RASGRF2: variants seen among roughly 807,000 people sequenced by gnomAD.
The protein encoded by RASGRF2 is Ras protein specific guanine nucleotide releasing factor 2, also known as ras-specific guanine nucleotide-releasing factor 2.
In RASGRF2, 76 loss-of-function variants were observed where a neutral mutation model predicts 151.0. That is an observed-to-expected ratio of 0.50 (90% CI 0.42 to 0.61). The LOEUF is 0.61. Ranked by LOEUF, RASGRF2 falls within the 20% of genes least tolerant of loss-of-function variation. The pLI is 0.00. For synonymous variants in RASGRF2, 504 were observed against 566.5 expected (o/e 0.89, Z 1.57); for missense variants, 1,148 against 1,564.6 (o/e 0.73, Z 4.49).
chr5:81,134,562 G>A (rs1321154771), intron 17 of RASGRF2, among the ~76,000 whole-genome samples: 1 of 152,144 alleles, frequency 6.6e-6, no homozygotes, highest in African/African-American at 2.4e-5. Context: ...TACTGAATCA[G>A]CATTTCTGAG....
At chr5:81,007,151 T>C (rs1269883290) in intron 1 of RASGRF2, among the ~76,000 whole-genome samples, 1 of 152,196 alleles carries the variant, frequency 6.6e-6, no homozygotes. Flanking sequence ...ACCTTCCTTT[T>C]GTTAGATGTG....
At chr5:81,105,178 T>A (rs1752811245) in intron 12 of RASGRF2, among the ~76,000 whole-genome samples, 2 of 152,184 alleles carry the variant, frequency 1.3e-5, no homozygotes, top group Admixed American at 6.5e-5. Context: ...CAGGTAGCTC[T>A]GCCCTTCCAT....
intron 13 of RASGRF2, among the ~76,000 whole-genome samples, chr5:81,109,502 T>G (rs946149443): frequency 1.3e-5 from 2 of 152,040 alleles, no homozygotes; most frequent in Admixed American, 1.3e-4. Flanking sequence ...CCATCTCTAC[T>G]AAAAATACAA....
chr5:81,142,390 G>C (rs181238954), intron 17 of RASGRF2, among the ~76,000 whole-genome samples: 76 of 152,272 alleles, frequency 5.0e-4, no homozygotes, highest in African/African-American at 1.8e-3. Context: ...AAAGAACTAT[G>C]CTCACTTTCT....
chr5:81,035,059 C>T (rs1750433122), intron 1 of RASGRF2, among the ~76,000 whole-genome samples: 1 of 152,074 alleles, frequency 6.6e-6, no homozygotes, highest in South Asian at 2.1e-4. Flanking sequence ...TGTGGTGATT[C>T]CTCAAGGATC....
chr5:81,216,162 G>C (rs1211399620), intron 24 of RASGRF2, among the ~76,000 whole-genome samples: 1 of 152,080 alleles, frequency 6.6e-6, no homozygotes, highest in Non-Finnish European at 1.5e-5. Context: ...TATACTCATG[G>C]CATGCAGATT....
chr5:81,042,805 C>A, intron 1 of RASGRF2, 72 bp from the exon 2 acceptor site: 2 of 1,036,004 alleles, frequency 1.9e-6, no homozygotes, highest in Non-Finnish European at 1.5e-6. Flanking sequence ...CCTTTGTAGG[C>A]AGATACTGTG....
Position 81,079,035 on chromosome 5 carries a change from G to A in RASGRF2, c.888-1086G>A, listed in dbSNP as rs566711960. Reference sequence around the variant, plus strand: ...GACATTGCCCCAAAGCACTCACATCGCCATGACTGACTTTCAGCCATAGGA... The same window carrying A: ...GACATTGCCCCAAAGCACTCACATCACCATGACTGACTTTCAGCCATAGGA... On this transcript the variant is annotated intron_variant, in intron 5 of 26. Transcript: ENST00000265080. Among the ~76,000 whole-genome samples the A allele has an allele frequency of 3.3e-5, 5 of 152,252 alleles. No homozygotes were observed. In the East Asian group the frequency reaches 5.8e-4, roughly 18 times the overall value.
At chr5:81,144,679 A>G (rs1753963573) in intron 17 of RASGRF2, among the ~76,000 whole-genome samples, 1 of 152,204 alleles carries the variant, frequency 6.6e-6, no homozygotes. Context: ...ATTTAGAGTT[A>G]TACACTTCAA....
chr5:81,032,735 A>G (rs1433482887), intron 1 of RASGRF2, among the ~76,000 whole-genome samples: 1 of 128,900 alleles, frequency 7.8e-6, no homozygotes, highest in Non-Finnish European at 1.6e-5. Context: ...GAAAACTGGC[A>G]CAAGACAGGG....
chr5:81,225,549 A>G (rs1463046366), intron 26 of RASGRF2, 129 bp from the exon 27 acceptor site: 7 of 1,258,436 alleles, frequency 5.6e-6, no homozygotes, highest in Non-Finnish European at 7.3e-6. Flanking sequence ...AAACATATTT[A>G]TGATTTTTTG....
At chr5:80,991,676 A>ATGT (rs1384042484) in intron 1 of RASGRF2, among the ~76,000 whole-genome samples, 1 of 152,218 alleles carries the variant, frequency 6.6e-6, no homozygotes, top group Non-Finnish European at 1.5e-5. Flanking sequence ...ATTTTTAAAA[A>ATGT]ACCTTCTGAA....
intron 1 of RASGRF2, among the ~76,000 whole-genome samples, chr5:81,033,551 G>T (rs1452559069): frequency 6.9e-6 from 1 of 144,862 alleles, no homozygotes; most frequent in Non-Finnish European, 1.5e-5. Flanking sequence ...ATGGGGAAAG[G>T]ATTCCCTATT....
chr5:81,038,189 C>T (rs1408094813), intron 1 of RASGRF2, among the ~76,000 whole-genome samples: 1 of 151,260 alleles, frequency 6.6e-6, no homozygotes, highest in Non-Finnish European at 1.5e-5. Context: ...TTTACTTGTA[C>T]CAATATGTGA....
At chr5:81,064,190 G>A (rs1302328683) in intron 2 of RASGRF2, among the ~76,000 whole-genome samples, 2 of 152,144 alleles carry the variant, frequency 1.3e-5, no homozygotes, top group African/African-American at 2.4e-5. Context: ...TGTTGGCTAG[G>A]TTCGCTTCCT....
At chr5:81,017,104 A>G (rs761324730) in intron 1 of RASGRF2, among the ~76,000 whole-genome samples, 1 of 152,230 alleles carries the variant, frequency 6.6e-6, no homozygotes, top group Non-Finnish European at 1.5e-5. Flanking sequence ...AAAAAAGGAG[A>G]GAAAGCTGAA....
chr5:81,010,008 T>C (rs765277828), intron 1 of RASGRF2, among the ~76,000 whole-genome samples: 43 of 152,038 alleles, frequency 2.8e-4, no homozygotes, highest in Non-Finnish European at 4.3e-4. Flanking sequence ...ATGCAAAAAT[T>C]AGCCGGGCAT....
At chr5:81,138,766 GTTT>G (rs70994422) in intron 17 of RASGRF2, among the ~76,000 whole-genome samples, 1 of 149,024 alleles carries the variant, frequency 6.7e-6, no homozygotes, top group Admixed American at 6.7e-5. Flanking sequence ...GGATGTGCTT[GTTT>G]TTTTTTTTTC....
intron 1 of RASGRF2, among the ~76,000 whole-genome samples, chr5:80,996,781 G>A (rs1748898683): frequency 6.6e-6 from 1 of 150,838 alleles, no homozygotes; most frequent in African/African-American, 2.4e-5. Context: ...TGTCTTTTTA[G>A]TGGAGATGGG....
Sources: allele counts gnomAD v4.1 joint callset (sites outside exome capture counted in the v4.1 genomes callset), GRCh38; gene constraint gnomAD v4.1.1; transcripts MANE v1.5; gene names NCBI Gene and HGNC (gene_info 2026-07-23, HGNC 2026-07-21).